Variants in KCNMA1 observed in about 807,000 individuals in gnomAD.
KCNMA1 encodes Calcium-activated potassium channel subunit alpha-1.
KCNMA1 carries 29 observed loss-of-function variants against 140.0 expected under a neutral mutation model. The ratio of observed to expected loss-of-function variants is 0.21; its 90% CI spans 0.15 to 0.28. The LOEUF (loss-of-function observed/expected upper bound fraction) is 0.28. Ranked by LOEUF, KCNMA1 falls within the 10% of genes least tolerant of loss-of-function variation. KCNMA1 has a pLI of 1.00. For synonymous variants in KCNMA1, 612 were observed against 611.9 expected (o/e 1.00, Z 0.00); for missense variants, 880 against 1,602.2 (o/e 0.55, Z 7.70).
chr10:76,977,038 T>C (rs888579612), intron 19 of KCNMA1, among the ~76,000 whole-genome samples: 5 of 152,298 alleles, frequency 3.3e-5, no homozygotes, highest in African/African-American at 1.2e-4. Context: ...AGAAGTCCAA[T>C]ACAAACAGCC....
At chr10:77,213,111 A>G (rs1188009475) in intron 3 of KCNMA1, among the ~76,000 whole-genome samples, 1 of 152,170 alleles carries the variant, frequency 6.6e-6, no homozygotes, top group Non-Finnish European at 1.5e-5. Flanking sequence ...GAGTAATTAC[A>G]TAATTAGAAT....
chr10:77,438,171 G>A (rs961735930), intron 1 of KCNMA1, among the ~76,000 whole-genome samples: 2 of 151,972 alleles, frequency 1.3e-5, no homozygotes, highest in Non-Finnish European at 2.9e-5. Context: ...TGATCCTCCC[G>A]CCTCAGCCTC....
At chr10:77,068,852 AACACACACACACACACACACAC>A (rs147592319) in intron 14 of KCNMA1, among the ~76,000 whole-genome samples, 28 of 133,830 alleles carry the variant, frequency 2.1e-4, no homozygotes, top group Middle Eastern at 3.9e-3. Context: ...TCACCCTCTA[AACACACACACACACACACACAC>A]ACACACACAC....
intron 1 of KCNMA1, among the ~76,000 whole-genome samples, chr10:77,623,020 G>A (rs2091789694): frequency 5.3e-5 from 8 of 152,206 alleles, no homozygotes; most frequent in Admixed American, 5.2e-4. Context: ...GAGGAAGAAA[G>A]AACAGGAACA....
At chr10:77,538,157 C>T (rs114692689) in intron 1 of KCNMA1, among the ~76,000 whole-genome samples, 297 of 151,868 alleles carry the variant, frequency 2.0e-3, no homozygotes, top group African/African-American at 5.7e-3. Flanking sequence ...ACACTCTACA[C>T]ATACTCTAAA....
chr10:77,375,559 T>A (rs2095040948), intron 2 of KCNMA1, among the ~76,000 whole-genome samples: 1 of 152,236 alleles, frequency 6.6e-6, no homozygotes, highest in African/African-American at 2.4e-5. Context: ...GCAACAGCAC[T>A]GCAAGCACTT....
intron 1 of KCNMA1, among the ~76,000 whole-genome samples, chr10:77,620,885 C>T (rs1340090475): frequency 1.3e-5 from 2 of 152,140 alleles, no homozygotes; most frequent in African/African-American, 4.8e-5. Flanking sequence ...CTGCACAACT[C>T]CAGAGGGCTT....
Position 76,887,345 on chromosome 10 carries a change from G to A in KCNMA1, c.3632C>T (p.Ser1211Phe). The change falls in exon 28 of 28, where the codon TCC (serine) becomes TTC (phenylalanine). Residue 1211 changes from serine to phenylalanine, a missense_variant. Ser to Phe is a radical substitution (Grantham distance 155). This residue lies in a region of KCNMA1 where 115 missense variants were observed against 139.9 expected (regional missense o/e 0.82). Coordinates refer to ENST00000286628, the MANE Select transcript of KCNMA1 (RefSeq NM_001161352.2). ...KKSSSVHSIP[S>F]TANRQNRPKS... ...GGGCCGGTTCTGTCGGTTTGCTGTG[G>A]ATGGGATGGAGTGAACAGAGGAGCT... 6.2e-7 allele frequency: 1 copy of A among 1,614,118 alleles called. No individual in the cohort carries two copies. The highest frequency in any genetic ancestry group is 8.5e-7 in the Non-Finnish European group (1 of 1,180,016).
intron 3 of KCNMA1, among the ~76,000 whole-genome samples, chr10:77,219,507 A>G (rs1015202027): frequency 1.3e-5 from 2 of 152,138 alleles, no homozygotes; most frequent in Non-Finnish European, 2.9e-5. Flanking sequence ...AGCTGCAGTT[A>G]GTGCCAAAGA....
At chr10:77,368,387 A>G (rs2094491719) in intron 2 of KCNMA1, among the ~76,000 whole-genome samples, 1 of 152,146 alleles carries the variant, frequency 6.6e-6, no homozygotes, top group South Asian at 2.1e-4. Context: ...CCAGTTGGGT[A>G]GCTTGTTCTC....
intron 2 of KCNMA1, among the ~76,000 whole-genome samples, chr10:77,305,508 G>A (rs1476035695): frequency 2.0e-5 from 3 of 152,168 alleles, no homozygotes; most frequent in Non-Finnish European, 4.4e-5. Context: ...ACCTTGTGCT[G>A]TTCCTCTTTA....
At chr10:77,573,814 C>A (rs1048563495) in intron 1 of KCNMA1, among the ~76,000 whole-genome samples, 1 of 150,228 alleles carries the variant, frequency 6.7e-6, no homozygotes, top group South Asian at 2.1e-4. Flanking sequence ...CCTGCCTGTT[C>A]ATTTATATCC....
At chr10:77,000,246 C>T (rs1016633895) in intron 19 of KCNMA1, among the ~76,000 whole-genome samples, 9 of 152,160 alleles carry the variant, frequency 5.9e-5, no homozygotes, top group East Asian at 1.9e-4. Flanking sequence ...AGTGCAGAAA[C>T]GAGAACCATC....
chr10:76,968,261 G>T (rs533818840), intron 20 of KCNMA1, among the ~76,000 whole-genome samples: 1 of 152,210 alleles, frequency 6.6e-6, no homozygotes, highest in Non-Finnish European at 1.5e-5. Context: ...ACTTAAAAAA[G>T]CCTCCACCTC....
chr10:76,920,051 T>TATATATATATATAC (rs1434881721), intron 23 of KCNMA1, among the ~76,000 whole-genome samples: 5 of 116,710 alleles, frequency 4.3e-5, no homozygotes, highest in African/African-American at 2.0e-4. Context: ...TATATATATA[T>TATATATATATATAC]ACACACAATA....
chr10:77,123,935 T>G (rs2097681113), intron 5 of KCNMA1, among the ~76,000 whole-genome samples: 1 of 152,150 alleles, frequency 6.6e-6, no homozygotes, highest in Non-Finnish European at 1.5e-5. Context: ...ATGGCACGGA[T>G]GTGCTGGACA....
chr10:77,372,042 GA>G (rs1353568093), intron 2 of KCNMA1, among the ~76,000 whole-genome samples: 1 of 152,098 alleles, frequency 6.6e-6, no homozygotes, highest in Non-Finnish European at 1.5e-5. Context: ...TAAACTTCTT[GA>G]GTTCACATTT....
At chr10:76,909,271 C>T (rs1041835878) in intron 25 of KCNMA1, among the ~76,000 whole-genome samples, 12 of 152,166 alleles carry the variant, frequency 7.9e-5, no homozygotes, top group East Asian at 1.9e-4. Flanking sequence ...CCACCTCCCT[C>T]GATCCCAACA....
At chr10:76,996,661 G>A (rs1348611790) in intron 19 of KCNMA1, among the ~76,000 whole-genome samples, 2 of 152,188 alleles carry the variant, frequency 1.3e-5, no homozygotes, top group Non-Finnish European at 2.9e-5. Flanking sequence ...GGGAAGATGG[G>A]AGAAAATGGA....
Sources: allele counts gnomAD v4.1 joint callset (sites outside exome capture counted in the v4.1 genomes callset), GRCh38; gene constraint gnomAD v4.1.1; regional missense constraint gnomAD v4.1.1; transcripts MANE v1.5; gene names NCBI Gene and HGNC (gene_info 2026-07-23, HGNC 2026-07-21).